ST6GALNAC5: variants seen among roughly 807,000 people sequenced by gnomAD.
The protein encoded by ST6GALNAC5 is ST6 N-acetylgalactosaminide alpha-2,6-sialyltransferase 5, also known as alpha-N-acetylgalactosaminide alpha-2,6-sialyltransferase 5.
In ST6GALNAC5, 27 loss-of-function variants were observed where a neutral mutation model predicts 33.6. That is an observed-to-expected ratio of 0.80 (90% CI 0.59 to 1.11). ST6GALNAC5 has a LOEUF of 1.11. Ranked by LOEUF, ST6GALNAC5 falls within the 50% of genes least tolerant of loss-of-function variation. ST6GALNAC5 has a pLI of 0.00. For missense variants in ST6GALNAC5, 428 were observed against 454.0 expected (o/e 0.94, Z 0.52); for synonymous variants, 194 against 171.2 (o/e 1.13, Z -1.04).
intron 2 of ST6GALNAC5, among the ~76,000 whole-genome samples, chr1:76,994,001 G>T (rs1649833055): frequency 6.6e-6 from 1 of 152,102 alleles, no homozygotes; most frequent in Non-Finnish European, 1.5e-5. Flanking sequence ...AAACAAATTT[G>T]TTATAAAGTA....
chr1:77,063,538 T>C lies in ST6GALNAC5; in HGVS notation c.*332T>C. Reference sequence around the variant, plus strand: ...TGCAACATAAGCAACTCAACAATATTAGTTGCATTCCTTTATAGACATACC... The same window carrying C: ...TGCAACATAAGCAACTCAACAATATCAGTTGCATTCCTTTATAGACATACC... On this transcript the variant is annotated 3_prime_UTR_variant, in exon 5 of 5. Coordinates refer to ENST00000477717, the MANE Select transcript of ST6GALNAC5 (RefSeq NM_030965.3). 2 of 311,236 alleles carry C rather than the reference T, an allele frequency of 6.4e-6. No homozygotes were observed. The highest frequency in any genetic ancestry group is 1.2e-5 in the Non-Finnish European group (2 of 163,334). The allele number at this position is 311,236 out of a possible 1,614,324, so 19.3% of individuals were successfully genotyped here. A position where few individuals can be genotyped will look rare whatever the true frequency, so the allele number is the denominator to read the frequency against.
intron 2 of ST6GALNAC5, among the ~76,000 whole-genome samples, chr1:76,926,722 A>C (rs1647089743): frequency 6.6e-6 from 1 of 152,110 alleles, no homozygotes; most frequent in Non-Finnish European, 1.5e-5. Context: ...TAGTGGTTCA[A>C]TTTTGATAAG....
chr1:77,028,796 T>G (rs1400174238), intron 2 of ST6GALNAC5, among the ~76,000 whole-genome samples: 1 of 152,158 alleles, frequency 6.6e-6, no homozygotes, highest in Non-Finnish European at 1.5e-5. Context: ...CACAGGGAAG[T>G]TGAGAAATTT....
intron 2 of ST6GALNAC5, among the ~76,000 whole-genome samples, chr1:76,879,500 G>A (rs955703946): frequency 6.6e-6 from 1 of 152,144 alleles, no homozygotes; most frequent in African/African-American, 2.4e-5. Context: ...ATTTTCAAGT[G>A]TAGCACACCT....
intron 2 of ST6GALNAC5, among the ~76,000 whole-genome samples, chr1:76,988,620 C>T (rs779968373): frequency 2.0e-5 from 3 of 152,038 alleles, no homozygotes; most frequent in Non-Finnish European, 4.4e-5. Context: ...TGATTTATGA[C>T]TTGATTTGCC....
chr1:76,953,659 C>T (rs1393940531), intron 2 of ST6GALNAC5, among the ~76,000 whole-genome samples: 2 of 152,086 alleles, frequency 1.3e-5, no homozygotes, highest in Non-Finnish European at 2.9e-5. Context: ...TCTTTTGCAG[C>T]ATAAAAGTTT....
chr1:77,049,118 G>T (rs985177733), intron 3 of ST6GALNAC5, among the ~76,000 whole-genome samples: 3 of 152,042 alleles, frequency 2.0e-5, no homozygotes, highest in African/African-American at 7.2e-5. Context: ...CAAAATGAAG[G>T]ACTCCTTAAA....
chr1:77,008,004 TTTATTA>T (rs1035047016), intron 2 of ST6GALNAC5, among the ~76,000 whole-genome samples: 1 of 152,132 alleles, frequency 6.6e-6, no homozygotes, highest in Non-Finnish European at 1.5e-5. Context: ...ACTTCTTTAT[TTTATTA>T]TTATTATTAT....
chr1:76,913,573 G>C (rs1005603863), intron 2 of ST6GALNAC5, among the ~76,000 whole-genome samples: 1 of 151,954 alleles, frequency 6.6e-6, no homozygotes, highest in Non-Finnish European at 1.5e-5. Context: ...ATGCAGATTT[G>C]GTCTTTTCAC....
At chr1:76,878,568 C>T (rs1653703661) in intron 2 of ST6GALNAC5, among the ~76,000 whole-genome samples, 1 of 152,122 alleles carries the variant, frequency 6.6e-6, no homozygotes, top group Non-Finnish European at 1.5e-5. Context: ...GGCTGGCGAT[C>T]TCCTGGGGAA....
At chr1:76,943,942 T>C (rs1477104761) in intron 2 of ST6GALNAC5, among the ~76,000 whole-genome samples, 2 of 152,138 alleles carry the variant, frequency 1.3e-5, no homozygotes, top group Non-Finnish European at 2.9e-5. Flanking sequence ...AAATGTTGCA[T>C]TATTTAACCA....
chr1:77,006,384 G>A (rs957540590), intron 2 of ST6GALNAC5, among the ~76,000 whole-genome samples: 14 of 144,738 alleles, frequency 9.7e-5, no homozygotes, highest in African/African-American at 3.4e-4. Context: ...TGTGATCTCG[G>A]CTCACTGCAA....
chr1:77,035,198 A>T lies in ST6GALNAC5; in HGVS notation c.262-9006A>T, dbSNP rs140177112. On this transcript the variant is annotated intron_variant, in intron 2 of 4. Coordinates refer to ENST00000477717, the MANE Select transcript of ST6GALNAC5 (RefSeq NM_030965.3). ...GCTGGCCTGGGAACCACACTGTGAG[A>T]ATTGCTGGCCTAGATCATCTCTGAG... is the stretch of plus-strand genomic sequence containing the variant. Among the ~76,000 whole-genome samples the T allele has an allele frequency of 2.4e-4, 37 of 152,278 alleles. 2 individuals are homozygous for T. In the East Asian group the frequency reaches 7.2e-3, roughly 30 times the overall value.
intron 2 of ST6GALNAC5, among the ~76,000 whole-genome samples, chr1:76,997,969 C>T (rs1649999007): frequency 6.6e-6 from 1 of 152,146 alleles, no homozygotes; most frequent in South Asian, 2.1e-4. Context: ...ATAGTGACTT[C>T]TCATGAGATC....
chr1:77,051,683 T>G (rs943007966), intron 4 of ST6GALNAC5, among the ~76,000 whole-genome samples: 10 of 152,152 alleles, frequency 6.6e-5, no homozygotes, highest in Non-Finnish European at 1.3e-4. Context: ...CTGCCTCACT[T>G]AATTCACTGG....
chr1:76,965,015 A>G (rs537540284), intron 2 of ST6GALNAC5, among the ~76,000 whole-genome samples: 1 of 152,230 alleles, frequency 6.6e-6, no homozygotes, highest in Non-Finnish European at 1.5e-5. Context: ...CATTGATGGA[A>G]ATTTGGGTTG....
chr1:76,981,894 C>T (rs1367902447), intron 2 of ST6GALNAC5, among the ~76,000 whole-genome samples: 1 of 152,186 alleles, frequency 6.6e-6, no homozygotes, highest in African/African-American at 2.4e-5. Context: ...CTCCAGCAAA[C>T]TCCAACAGAC....
At chr1:76,889,131 C>T (rs1653961152) in intron 2 of ST6GALNAC5, among the ~76,000 whole-genome samples, 1 of 151,986 alleles carries the variant, frequency 6.6e-6, no homozygotes, top group Admixed American at 6.6e-5. Flanking sequence ...TTTTAGATTC[C>T]ATTTATAAGT....
At chr1:76,926,692 T>C (rs1470818523) in intron 2 of ST6GALNAC5, among the ~76,000 whole-genome samples, 1 of 152,130 alleles carries the variant, frequency 6.6e-6, no homozygotes, top group East Asian at 1.9e-4. Context: ...CTCCTTGATA[T>C]AAATTTCTAG....
Sources: gnomAD v4.1 joint callset for allele counts (sites outside exome capture counted in the v4.1 genomes callset) on GRCh38, gnomAD v4.1.1 for gene constraint, MANE v1.5 for transcripts, NCBI Gene and HGNC (gene_info 2026-07-23, HGNC 2026-07-21) for gene names.